The following OCIAD2 variants were observed in gnomAD, a reference collection of about 807,000 sequenced individuals.
OCIAD2 encodes OCIA domain-containing protein 2.
OCIAD2 carries 29 observed loss-of-function variants against 22.9 expected under a neutral mutation model. The observed-to-expected ratio is 1.27, with a 90% CI of 0.94 to 1.73. OCIAD2 has a LOEUF of 1.73. Among genes scored for constraint, OCIAD2 ranks in the 40% most tolerant of loss-of-function variants. The pLI is 0.00. For missense variants in OCIAD2, 189 were observed against 180.3 expected, an observed-to-expected ratio of 1.05 and a Z score of -0.28; for synonymous variants, 67 against 60.2, an observed-to-expected ratio of 1.11 and a Z score of -0.52.
intron 6 of OCIAD2, among the ~76,000 whole-genome samples, chr4:48,888,989 C>T (rs1781079977): frequency 6.6e-6 from 1 of 152,170 alleles, no homozygotes; most frequent in Non-Finnish European, 1.5e-5. Context: ...GGTTGGTAAG[C>T]TATTAATTAT....
Position 48,889,937 on chromosome 4 carries a change from T to C in OCIAD2, c.383+2835A>G, listed in dbSNP as rs1212605628. Among the ~76,000 whole-genome samples, 10 of 152,152 alleles carry C rather than the reference T, an allele frequency of 6.6e-5. No individual in the cohort carries two copies. The East Asian group carries it at 1.9e-3, about 29-fold the overall frequency. Reference sequence around the variant, plus strand: ...AATACTATACAGCCATAAAAAAGGATGAGCTCATGTCCTTTGCAGGGACAC... The same window carrying C: ...AATACTATACAGCCATAAAAAAGGACGAGCTCATGTCCTTTGCAGGGACAC... On this transcript the variant is annotated intron_variant, in intron 6 of 6. Coordinates refer to ENST00000508632, the MANE Select transcript of OCIAD2 (RefSeq NM_001014446.3).
intron 6 of OCIAD2, among the ~76,000 whole-genome samples, chr4:48,889,235 CTTT>C (rs573004830): frequency 3.7e-4 from 57 of 152,160 alleles, no homozygotes; most frequent in African/African-American, 1.3e-3. Flanking sequence ...CTCTTTTCTT[CTTT>C]ATTAGTCTTG....
chr4:48,887,253 G>A (rs1287987670), intron 6 of OCIAD2, among the ~76,000 whole-genome samples: 7 of 152,150 alleles, frequency 4.6e-5, no homozygotes, highest in Non-Finnish European at 7.3e-5. Context: ...TGTCAGATGA[G>A]TAGGTTGCAA....
chr4:48,889,115 T>C (rs1336486869), intron 6 of OCIAD2, among the ~76,000 whole-genome samples: 1 of 152,250 alleles, frequency 6.6e-6, no homozygotes, highest in Non-Finnish European at 1.5e-5. Context: ...GATTTTCTAG[T>C]TTATTTGCAT....
Position 48,897,863 on chromosome 4 carries a change from A to G in OCIAD2, c.164-6T>C. The stretch of plus-strand genomic sequence containing the variant: ...TACAAGAGAAAAAGGCAGAGCTGTA[A>G]AGCAAAAATGTCCTTCAATATTGGT... On this transcript the variant is annotated splice_region_variant and splice_polypyrimidine_tract_variant and intron_variant, in intron 3 of 6. Coordinates refer to ENST00000508632, the MANE Select transcript of OCIAD2 (RefSeq NM_001014446.3). 6.2e-7 allele frequency: 1 copy of G among 1,610,756 alleles called. No individual in the cohort carries two copies.
chr4:48,903,406 G>A (rs139086165), intron 2 of OCIAD2, among the ~76,000 whole-genome samples: 46 of 152,212 alleles, frequency 3.0e-4, no homozygotes, highest in African/African-American at 1.0e-3. Flanking sequence ...GGAGGCTGAG[G>A]TGGGAGGATC....
chr4:48,888,082 T>A (rs761716825), intron 6 of OCIAD2, among the ~76,000 whole-genome samples: 1 of 152,228 alleles, frequency 6.6e-6, no homozygotes, highest in African/African-American at 2.4e-5. Flanking sequence ...TCCTAGGTAT[T>A]TTATTTTCTT....
chr4:48,900,007 G>T, intron 2 of OCIAD2, 82 bp from the exon 3 acceptor site: 11 of 955,628 alleles, frequency 1.2e-5, no homozygotes, highest in African/African-American at 1.6e-5. Context: ...GAACAGGGAG[G>T]TCTCTTCACT....
intron 2 of OCIAD2, among the ~76,000 whole-genome samples, chr4:48,900,946 T>C (rs1781401747): frequency 6.6e-6 from 1 of 152,062 alleles, no homozygotes. Context: ...CCAACTCCCA[T>C]CTCTTACCAT....
chr4:48,894,651 G>A (rs1781261643), intron 4 of OCIAD2, among the ~76,000 whole-genome samples: 1 of 151,958 alleles, frequency 6.6e-6, no homozygotes. Flanking sequence ...GCAAAGGTAG[G>A]GCTAACAACA....
In OCIAD2 at chr4:48,903,807, G is replaced by A. The variant is rs191448295; in HGVS notation, c.66+677C>T. 4.3e-3 allele frequency among the ~76,000 whole-genome samples: 656 copies of A among 151,760 alleles called. 8 individuals carry two copies. The highest frequency in any genetic ancestry group is 0.015 in the African/African-American group (624 of 41,372). ...ACTACAGGCACCAGCCACCATGCCC[G>A]GCTATTTTTTTGTATTTTTAGTAGA... is the stretch of plus-strand genomic sequence containing the variant. On this transcript the variant is annotated intron_variant, in intron 2 of 6. Coordinates refer to ENST00000508632, the MANE Select transcript of OCIAD2 (RefSeq NM_001014446.3).
intron 4 of OCIAD2, among the ~76,000 whole-genome samples, chr4:48,896,309 G>A (rs1454983217): frequency 6.6e-6 from 1 of 152,044 alleles, no homozygotes; most frequent in Non-Finnish European, 1.5e-5. Context: ...GGTAATCAAG[G>A]CTGGGTGTGA....
At position 48,885,499 on chromosome 4, in the gene OCIAD2, C is replaced by T; in HGVS notation, c.450G>A (p.Gln150=). ...KHGLSEKGDS[Q]PSAS ...GACACAGAATTTAGGAAGCTGAAGGCTGAGAGTCTCCCTTCTCACTTAATC... is the reference window on the plus strand; with the variant it reads ...GACACAGAATTTAGGAAGCTGAAGGTTGAGAGTCTCCCTTCTCACTTAATC... Residue 150 remains glutamine, a synonymous_variant, in exon 7 of 7, where the codon CAG becomes CAA. Coordinates refer to ENST00000508632, the MANE Select transcript of OCIAD2 (RefSeq NM_001014446.3). 6.2e-7 allele frequency: 1 copy of T among 1,602,022 alleles called. No homozygotes were observed. The highest frequency in any genetic ancestry group is 1.3e-5 in the African/African-American group (1 of 74,824).
chr4:48,902,724 G>C (rs568600130), intron 2 of OCIAD2, among the ~76,000 whole-genome samples: 3 of 152,106 alleles, frequency 2.0e-5, no homozygotes, highest in Non-Finnish European at 4.4e-5. Flanking sequence ...AGGCTGAGGC[G>C]GGCAGATCAC....
intron 4 of OCIAD2, among the ~76,000 whole-genome samples, chr4:48,895,771 T>C (rs1217412641): frequency 6.6e-6 from 1 of 152,102 alleles, no homozygotes; most frequent in Admixed American, 6.6e-5. Context: ...CTCAGCACTT[T>C]GGGAGGCTGA....
rs201456237 is a variant in OCIAD2 at position 48,904,572 on chromosome 4, T to G, written c.-23A>C. ...CATGATGACTTTGTGCTTGCTCTCC[T>G]TCCAGTTGTTTATCCTCTGCTTACT... On this transcript the variant is annotated 5_prime_UTR_variant, in exon 2 of 7. Coordinates refer to ENST00000508632, the MANE Select transcript of OCIAD2 (RefSeq NM_001014446.3). 49 of 1,611,392 alleles carry G rather than the reference T, an allele frequency of 3.0e-5. No individual in the cohort carries two copies. Among genetic ancestry groups the G allele is most frequent in the Non-Finnish European group, 4.1e-5 (48 of 1,177,726 alleles).
intron 1 of OCIAD2, among the ~76,000 whole-genome samples, chr4:48,905,667 C>T (rs1391624419): frequency 6.6e-6 from 1 of 152,204 alleles, no homozygotes; most frequent in African/African-American, 2.4e-5. Flanking sequence ...GCAAAATGAA[C>T]CTCTTATATA....
intron 3 of OCIAD2, 50 bp from the exon 4 acceptor site, chr4:48,897,907 TC>T: frequency 3.0e-6 from 4 of 1,352,452 alleles, no homozygotes; most frequent in Non-Finnish European, 4.2e-6. Context: ...AATTGGCACC[TC>T]ACCTAGAAGT....
intron 6 of OCIAD2, among the ~76,000 whole-genome samples, chr4:48,888,886 T>C (rs1230523560): frequency 6.6e-6 from 1 of 152,228 alleles, no homozygotes; most frequent in African/African-American, 2.4e-5. Context: ...CTTTTTCTAT[T>C]GATTGGAATA....
Sources: gnomAD v4.1 joint callset for allele counts (sites outside exome capture counted in the v4.1 genomes callset) on GRCh38, gnomAD v4.1.1 for gene constraint, MANE v1.5 for transcripts, NCBI Gene and HGNC (gene_info 2026-07-23, HGNC 2026-07-21) for gene names.